PLD5: variants seen among roughly 807,000 people sequenced by gnomAD.
PLD5 encodes the protein inactive phospholipase D5.
A neutral mutation model predicts 61.1 loss-of-function variants in PLD5; 36 were observed. That is an observed-to-expected ratio of 0.59 (90% CI 0.45 to 0.78). PLD5 has a LOEUF of 0.78. Ranked by LOEUF, PLD5 falls within the 30% of genes least tolerant of loss-of-function variation. The pLI, the probability that PLD5 is intolerant of heterozygous loss-of-function variation, is 0.00. For missense variants in PLD5, 515 were observed against 644.4 expected (o/e 0.80, Z 2.17); for synonymous variants, 243 against 242.8 (o/e 1.00, Z -0.01).
At chr1:242,521,617 A>G (rs1406413258) in intron 1 of PLD5, among the ~76,000 whole-genome samples, 1 of 149,656 alleles carries the variant, frequency 6.7e-6, no homozygotes, top group Non-Finnish European at 1.5e-5. Context: ...GATCTCCATC[A>G]TAATTATTAA....
At chr1:242,170,081 G>T (rs1012949424) in intron 5 of PLD5, among the ~76,000 whole-genome samples, 10 of 152,226 alleles carry the variant, frequency 6.6e-5, no homozygotes, top group African/African-American at 2.4e-4. Flanking sequence ...TTTGAGCTTT[G>T]CTAAAGGTCA....
At chr1:242,163,088 T>A (rs1014120957) in intron 5 of PLD5, among the ~76,000 whole-genome samples, 2 of 152,044 alleles carry the variant, frequency 1.3e-5, no homozygotes, top group East Asian at 3.9e-4. Context: ...TTCATGGAAA[T>A]GTCTGTGAAG....
chr1:242,231,939 G>GAAAAAAAAAA (rs985277684), intron 4 of PLD5, among the ~76,000 whole-genome samples: 1 of 111,702 alleles, frequency 9.0e-6, no homozygotes. Flanking sequence ...TTAAAATAAG[G>GAAAAAAAAAA]AAAAAAAAAA....
At chr1:242,362,837 TCCCAAGGCAC>T in intron 1 of PLD5, among the ~76,000 whole-genome samples, 1 of 152,156 alleles carries the variant, frequency 6.6e-6, no homozygotes, top group South Asian at 2.1e-4. Context: ...TTTAATTTAC[TCCCAAGGCAC>T]CCCTCGCTGT....
intron 3 of PLD5, among the ~76,000 whole-genome samples, chr1:242,277,582 G>GT (rs1043663117): frequency 1.3e-5 from 2 of 148,828 alleles, no homozygotes; most frequent in East Asian, 1.9e-4. Context: ...ACTTAACCTG[G>GT]TAAGTCTAAT....
At chr1:242,459,362 G>A (rs543872372) in intron 1 of PLD5, among the ~76,000 whole-genome samples, 22 of 152,242 alleles carry the variant, frequency 1.4e-4, no homozygotes, top group East Asian at 1.4e-3. Flanking sequence ...AGTTTTAGAC[G>A]GTATCTCTGA....
chr1:242,196,169 T>C (rs1668626307), intron 5 of PLD5, among the ~76,000 whole-genome samples: 1 of 152,244 alleles, frequency 6.6e-6, no homozygotes, highest in Non-Finnish European at 1.5e-5. Flanking sequence ...TTGACTTTCA[T>C]ATTTAAAAAC....
chr1:242,205,500 G>A (rs1669265456), intron 5 of PLD5, among the ~76,000 whole-genome samples: 1 of 152,140 alleles, frequency 6.6e-6, no homozygotes. Flanking sequence ...AGATGCACAT[G>A]CAAACAAAAA....
intron 1 of PLD5, among the ~76,000 whole-genome samples, chr1:242,466,663 C>T (rs779750766): frequency 3.9e-5 from 6 of 152,168 alleles, no homozygotes; most frequent in East Asian, 1.9e-4. Flanking sequence ...TAGGCCAAGG[C>T]GGGCAGATGA....
chr1:242,111,324 T>C (rs1174729758), intron 7 of PLD5, among the ~76,000 whole-genome samples: 1 of 152,224 alleles, frequency 6.6e-6, no homozygotes, highest in Non-Finnish European at 1.5e-5. Flanking sequence ...CCCAAAGTGC[T>C]GGGATTACAG....
At chr1:242,504,999 T>C (rs1211080193) in intron 1 of PLD5, among the ~76,000 whole-genome samples, 1 of 152,036 alleles carries the variant, frequency 6.6e-6, no homozygotes, top group Admixed American at 6.6e-5. Context: ...CTAAAAAGAT[T>C]AGCATAAATT....
chr1:242,247,145 G>A (rs1441332386), intron 4 of PLD5, among the ~76,000 whole-genome samples: 1 of 151,856 alleles, frequency 6.6e-6, no homozygotes, highest in Non-Finnish European at 1.5e-5. Context: ...CACCATGCCC[G>A]GCTAATTTTT....
chr1:242,380,346 T>C (rs1177434527), intron 1 of PLD5, among the ~76,000 whole-genome samples: 1 of 152,212 alleles, frequency 6.6e-6, no homozygotes, highest in Non-Finnish European at 1.5e-5. Context: ...TGTTACTTTA[T>C]GGCACGACAA....
chr1:242,496,691 T>C (rs764890980), intron 1 of PLD5, among the ~76,000 whole-genome samples: 9 of 152,198 alleles, frequency 5.9e-5, no homozygotes, highest in Non-Finnish European at 1.0e-4. Context: ...TCTTTAGGGA[T>C]ATCTAAAGAA....
At chr1:242,329,072 G>A (rs1659009531) in intron 2 of PLD5, among the ~76,000 whole-genome samples, 1 of 151,698 alleles carries the variant, frequency 6.6e-6, no homozygotes, top group Non-Finnish European at 1.5e-5. Context: ...GCAGTGGTGT[G>A]ATCTTGGCTC....
chr1:242,110,669 G>T (rs1210744561), intron 7 of PLD5, among the ~76,000 whole-genome samples: 1 of 152,060 alleles, frequency 6.6e-6, no homozygotes, highest in Non-Finnish European at 1.5e-5. Context: ...AATTAGCTCT[G>T]TGTGGTGGCA....
At chr1:242,460,133 C>T (rs1667072003) in intron 1 of PLD5, among the ~76,000 whole-genome samples, 1 of 152,130 alleles carries the variant, frequency 6.6e-6, no homozygotes, top group South Asian at 2.1e-4. Context: ...ATTGTAAATT[C>T]TTATCTCTGT....
At chr1:242,250,861 G>C (rs1672660728) in intron 4 of PLD5, among the ~76,000 whole-genome samples, 1 of 152,128 alleles carries the variant, frequency 6.6e-6, no homozygotes, top group Non-Finnish European at 1.5e-5. Context: ...AAAGGCCTAA[G>C]TTAGAGTAGT....
At chr1:242,429,339 C>T (rs1418309885) in intron 1 of PLD5, among the ~76,000 whole-genome samples, 1 of 152,158 alleles carries the variant, frequency 6.6e-6, no homozygotes, top group African/African-American at 2.4e-5. Context: ...CACAAGAAAG[C>T]AAATTAGCAA....
Sources: allele counts gnomAD v4.1 joint callset (sites outside exome capture counted in the v4.1 genomes callset), GRCh38; gene constraint gnomAD v4.1.1; transcripts MANE v1.5; gene names NCBI Gene and HGNC (gene_info 2026-07-23, HGNC 2026-07-21).